Variants in VSNL1 observed in about 807,000 individuals in gnomAD.
The protein encoded by VSNL1 is visinin-like protein 1.
In VSNL1, 6 loss-of-function variants were observed where a neutral mutation model predicts 20.4. That is an observed-to-expected ratio of 0.29 (90% CI 0.16 to 0.58). VSNL1 has a LOEUF of 0.58. VSNL1 is among the 20% of genes least tolerant of loss of function. The probability of loss-of-function intolerance (pLI) is 0.90; values close to 1 mark genes in which losing one functional copy is unlikely to be tolerated. For missense variants in VSNL1, 100 were observed against 234.5 expected, an observed-to-expected ratio of 0.43 and a Z score of 3.75; for synonymous variants, 93 against 86.4, an observed-to-expected ratio of 1.08 and a Z score of -0.42.
intron 2 of VSNL1, among the ~76,000 whole-genome samples, chr2:17,603,739 C>T (rs964312389): frequency 3.3e-5 from 5 of 152,116 alleles, no homozygotes; most frequent in South Asian, 4.1e-4. Flanking sequence ...AACTGCCAAA[C>T]GTGTTAGAGG....
At chr2:17,571,993 G>GT (rs1664095129) in intron 1 of VSNL1, among the ~76,000 whole-genome samples, 1 of 152,182 alleles carries the variant, frequency 6.6e-6, no homozygotes, top group Non-Finnish European at 1.5e-5. Flanking sequence ...AGACCACAAA[G>GT]TGAGTATGAC....
At chr2:17,644,568 G>T (rs1297098574) in intron 2 of VSNL1, among the ~76,000 whole-genome samples, 2 of 152,234 alleles carry the variant, frequency 1.3e-5, no homozygotes, top group Non-Finnish European at 2.9e-5. Context: ...TTGGTGCTGG[G>T]AAGAGCCAAG....
intron 2 of VSNL1, among the ~76,000 whole-genome samples, chr2:17,593,145 T>C (rs1664633013): frequency 6.6e-6 from 1 of 152,180 alleles, no homozygotes; most frequent in African/African-American, 2.4e-5. Context: ...TTAAGCATTA[T>C]CATTATGTGC....
intron 2 of VSNL1, among the ~76,000 whole-genome samples, chr2:17,595,792 T>C (rs1437163197): frequency 6.6e-6 from 1 of 152,172 alleles, no homozygotes; most frequent in Non-Finnish European, 1.5e-5. Context: ...AGGGAGAAGA[T>C]GGCTGTCATC....
intron 2 of VSNL1, among the ~76,000 whole-genome samples, chr2:17,622,859 C>T (rs935786445): frequency 1.3e-5 from 2 of 152,218 alleles, no homozygotes; most frequent in African/African-American, 4.8e-5. Context: ...GGCCAGGCTC[C>T]TCCCTGCTGC....
chr2:17,596,121 A>T (rs1664705403), intron 2 of VSNL1, among the ~76,000 whole-genome samples: 1 of 152,186 alleles, frequency 6.6e-6, no homozygotes, highest in African/African-American at 2.4e-5. Flanking sequence ...GAGCAAATGA[A>T]TATAATTCTT....
chr2:17,547,662 C>G (rs1339408109), intron 1 of VSNL1, among the ~76,000 whole-genome samples: 2 of 151,820 alleles, frequency 1.3e-5, no homozygotes, highest in African/African-American at 4.8e-5. Context: ...GAAATAAATC[C>G]CTGCACTAAG....
chr2:17,572,524 A>C lies in VSNL1; in HGVS notation c.-5-19546A>C, dbSNP rs548121910. Among the ~76,000 whole-genome samples the C allele has an allele frequency of 5.3e-5, 8 of 152,284 alleles. No homozygotes were observed. The South Asian group carries it at 1.7e-3, about 32-fold the overall frequency. On this transcript the variant is annotated intron_variant, in intron 1 of 3. Coordinates refer to ENST00000295156, the MANE Select transcript of VSNL1 (RefSeq NM_003385.5). ...GTAATTAACACTAAAAAAGAAGAGG[A>C]GGAAGAAAAAGAAGAAGGAGGCAAA...
chr2:17,585,382 T>TA (rs35397738), intron 1 of VSNL1, among the ~76,000 whole-genome samples: 40,880 of 141,656 alleles, frequency 0.29, 6,155 homozygotes, highest in Middle Eastern at 0.38. Context: ...GCCTTCATTA[T>TA]AAAAAAAAAA....
At chr2:17,583,950 A>G (rs1012116799) in intron 1 of VSNL1, among the ~76,000 whole-genome samples, 9 of 152,168 alleles carry the variant, frequency 5.9e-5, no homozygotes, top group African/African-American at 2.2e-4. Flanking sequence ...GAGGATAATA[A>G]TAGTTACTGT....
At chr2:17,619,049 T>C (rs1665285780) in intron 2 of VSNL1, among the ~76,000 whole-genome samples, 2 of 152,188 alleles carry the variant, frequency 1.3e-5, no homozygotes, top group African/African-American at 4.8e-5. Flanking sequence ...GAGCCAATAC[T>C]GAATAACCAC....
Position 17,594,305 on chromosome 2 carries a change from A to T in VSNL1, c.162+2069A>T, listed in dbSNP as rs557953683. ...AGGTCTATATTTTTGGCAAACTCTT[A>T]TTCCAACTCTGCCTGTACTCTTATA... is the stretch of plus-strand genomic sequence containing the variant. On this transcript the variant is annotated intron_variant, in intron 2 of 3. Transcript: ENST00000295156. Among the ~76,000 whole-genome samples, 10 of 152,270 alleles carry T rather than the reference A, an allele frequency of 6.6e-5. No homozygotes were observed. In the South Asian group the frequency reaches 2.1e-3, roughly 32 times the overall value.
chr2:17,583,988 A>G (rs1318547608), intron 1 of VSNL1, among the ~76,000 whole-genome samples: 4 of 152,212 alleles, frequency 2.6e-5, no homozygotes, highest in Non-Finnish European at 4.4e-5. Flanking sequence ...CATGGAAGGC[A>G]CTGTTGGAAA....
intron 1 of VSNL1, 92 bp from the exon 2 acceptor site, chr2:17,591,978 C>A: frequency 6.8e-7 from 1 of 1,462,316 alleles, no homozygotes; most frequent in Non-Finnish European, 9.4e-7. Context: ...GAGTTCCGAC[C>A]ATGGGACTGC....
chr2:17,636,829 A>G (rs1008925152), intron 2 of VSNL1, among the ~76,000 whole-genome samples: 1 of 152,108 alleles, frequency 6.6e-6, no homozygotes, highest in Non-Finnish European at 1.5e-5. Context: ...GCTGCTCTCA[A>G]AGGTACTCAC....
chr2:17,637,113 T>TCTTCCCCTCC (rs1252675302), intron 2 of VSNL1, among the ~76,000 whole-genome samples: 3 of 152,304 alleles, frequency 2.0e-5, no homozygotes, highest in African/African-American at 7.2e-5. Flanking sequence ...CTTGCCCAGC[T>TCTTCCCCTCC]CTTCCCCTCC....
At chr2:17,575,852 T>G (rs1439372100) in intron 1 of VSNL1, among the ~76,000 whole-genome samples, 2 of 152,198 alleles carry the variant, frequency 1.3e-5, no homozygotes, top group Non-Finnish European at 2.9e-5. Flanking sequence ...ACAAATATCT[T>G]TACAAGTTCT....
intron 1 of VSNL1, among the ~76,000 whole-genome samples, chr2:17,556,557 G>C (rs1047665916): frequency 4.6e-5 from 7 of 152,148 alleles, no homozygotes; most frequent in African/African-American, 1.2e-4. Flanking sequence ...GTACAGATTA[G>C]ATAGGATTGT....
chr2:17,615,315 C>A (rs1057007054), intron 2 of VSNL1, among the ~76,000 whole-genome samples: 1 of 152,104 alleles, frequency 6.6e-6, no homozygotes, highest in Non-Finnish European at 1.5e-5. Context: ...GTTTTCACAA[C>A]ATGTATGGAG....
Sources: gnomAD v4.1 joint callset for allele counts (sites outside exome capture counted in the v4.1 genomes callset) on GRCh38, gnomAD v4.1.1 for gene constraint, MANE v1.5 for transcripts, NCBI Gene and HGNC (gene_info 2026-07-23, HGNC 2026-07-21) for gene names.